The following UBAC2 variants were observed in gnomAD, a reference collection of about 807,000 sequenced individuals.
The protein encoded by UBAC2 is UBA domain containing 2, also known as ubiquitin-associated domain-containing protein 2.
A neutral mutation model predicts 44.0 loss-of-function variants in UBAC2; 26 were observed. The observed-to-expected ratio is 0.59, with a 90% CI of 0.43 to 0.82. UBAC2 has a LOEUF of 0.82. Ranked by LOEUF, UBAC2 falls within the 40% of genes least tolerant of loss-of-function variation. The pLI, the probability that UBAC2 is intolerant of heterozygous loss-of-function variation, is 0.00. For synonymous variants in UBAC2, 155 were observed against 154.3 expected, an observed-to-expected ratio of 1.00 and a Z score of -0.04; for missense variants, 329 against 419.4, an observed-to-expected ratio of 0.78 and a Z score of 1.88.
chr13:99,258,650 T>C (rs778085265), intron 4 of UBAC2: 1 of 152,252 alleles, frequency 6.6e-6, no homozygotes, highest in Non-Finnish European at 1.5e-5. Flanking sequence ...CTTTGCTTTA[T>C]AAGCTATGTG....
chr13:99,351,869 C>G (rs1216870590), intron 7 of UBAC2: 1 of 418,176 alleles, frequency 2.4e-6, no homozygotes, highest in Non-Finnish European at 4.8e-6. Context: ...ATTATCACCT[C>G]TGTGTTTTGC....
chr13:99,219,189 C>T (rs940865341), intron 1 of UBAC2, among the ~76,000 whole-genome samples: 9 of 152,116 alleles, frequency 5.9e-5, no homozygotes, highest in Non-Finnish European at 1.0e-4. Flanking sequence ...TTTTTACATG[C>T]GTGACTTGTG....
intron 7 of UBAC2, among the ~76,000 whole-genome samples, chr13:99,357,691 AG>A (rs2045207158): frequency 6.6e-6 from 1 of 152,182 alleles, no homozygotes; most frequent in African/African-American, 2.4e-5. Flanking sequence ...GTATTAGAAG[AG>A]GATGCTATGT....
chr13:99,305,040 G>T (rs956210112), intron 4 of UBAC2, among the ~76,000 whole-genome samples: 1 of 152,154 alleles, frequency 6.6e-6, no homozygotes, highest in African/African-American at 2.4e-5. Flanking sequence ...ATATTTTAAA[G>T]TAAGTAAAGG....
At chr13:99,215,610 GT>G in intron 1 of UBAC2, 1 of 1,318,358 alleles carries the variant, frequency 7.6e-7, no homozygotes, top group Non-Finnish European at 1.1e-6. Context: ...CACAGCGGCA[GT>G]TGCACCCACA....
At chr13:99,228,828 G>A (rs1350254361) in intron 1 of UBAC2, among the ~76,000 whole-genome samples, 1 of 152,196 alleles carries the variant, frequency 6.6e-6, no homozygotes, top group Admixed American at 6.5e-5. Context: ...AAGAAAGTAT[G>A]CAACCACTTT....
chr13:99,269,813 C>T (rs1472721059), intron 4 of UBAC2, among the ~76,000 whole-genome samples: 1 of 152,214 alleles, frequency 6.6e-6, no homozygotes, highest in African/African-American at 2.4e-5. Context: ...CCTGCAGTAA[C>T]ACTGCACTAG....
intron 2 of UBAC2, among the ~76,000 whole-genome samples, chr13:99,238,845 C>A (rs1487121605): frequency 6.6e-6 from 1 of 152,094 alleles, no homozygotes; most frequent in African/African-American, 2.4e-5. Flanking sequence ...AATGTTTAAT[C>A]TTTTTTTAAT....
intron 1 of UBAC2, among the ~76,000 whole-genome samples, chr13:99,237,702 C>T (rs1468536876): frequency 1.3e-5 from 2 of 152,240 alleles, no homozygotes; most frequent in African/African-American, 4.8e-5. Context: ...TGCCTGTAAT[C>T]CCAGCACTTT....
chr13:99,288,958 A>G (rs1408821006), intron 4 of UBAC2, among the ~76,000 whole-genome samples: 13 of 152,214 alleles, frequency 8.5e-5, no homozygotes, highest in African/African-American at 1.2e-4. Context: ...CTCTTCCCCA[A>G]TGGAGTTTAT....
At chr13:99,233,787 G>C (rs1163798934) in intron 1 of UBAC2, among the ~76,000 whole-genome samples, 1 of 151,946 alleles carries the variant, frequency 6.6e-6, no homozygotes, top group Non-Finnish European at 1.5e-5. Context: ...AGTCTTAATT[G>C]TAAACTTTTT....
chr13:99,224,801 G>C (rs1285327919), intron 1 of UBAC2, among the ~76,000 whole-genome samples: 1 of 152,156 alleles, frequency 6.6e-6, no homozygotes, highest in African/African-American at 2.4e-5. Flanking sequence ...AATGTGCATT[G>C]TTATTCCCTA....
intron 6 of UBAC2, among the ~76,000 whole-genome samples, chr13:99,323,506 G>T (rs576795034): frequency 2.9e-4 from 44 of 152,338 alleles, no homozygotes; most frequent in Non-Finnish European, 4.9e-4. Flanking sequence ...TGGGACTTGT[G>T]AAAGGACCAC....
intron 4 of UBAC2, among the ~76,000 whole-genome samples, chr13:99,266,693 A>ATATATG (rs1394261973): frequency 1.3e-5 from 2 of 152,178 alleles, no homozygotes; most frequent in Non-Finnish European, 2.9e-5. Flanking sequence ...AAATATATAT[A>ATATATG]TATATGTATT....
intron 4 of UBAC2, chr13:99,294,992 T>C (rs1021085813): frequency 1.3e-5 from 20 of 1,503,880 alleles, no homozygotes; most frequent in Non-Finnish European, 1.7e-5. Context: ...ATTATTTTGC[T>C]TTATAAGGGA....
intron 8 of UBAC2, among the ~76,000 whole-genome samples, chr13:99,382,157 G>C (rs1477197971): frequency 2.0e-5 from 3 of 152,216 alleles, no homozygotes; most frequent in Admixed American, 6.5e-5. Context: ...CAAAGTTGTA[G>C]AGGTTTACTA....
intron 1 of UBAC2, among the ~76,000 whole-genome samples, chr13:99,216,890 G>A (rs2043002393): frequency 1.3e-5 from 2 of 150,728 alleles, no homozygotes; most frequent in Non-Finnish European, 2.9e-5. Flanking sequence ...GAGTGCAGTG[G>A]TGCGATCTTG....
intron 1 of UBAC2, among the ~76,000 whole-genome samples, chr13:99,226,842 A>C (rs1220921536): frequency 2.6e-5 from 4 of 152,110 alleles, no homozygotes; most frequent in African/African-American, 9.7e-5. Flanking sequence ...CAAGGCCTAC[A>C]TCTTCAGGTC....
intron 4 of UBAC2, chr13:99,255,975 A>C: frequency 1.9e-6 from 2 of 1,059,534 alleles, no homozygotes; most frequent in South Asian, 3.5e-5. Context: ...ACATTCTCCC[A>C]CTCAGCTTGA....
Sources: gnomAD v4.1 joint callset for allele counts (sites outside exome capture counted in the v4.1 genomes callset) on GRCh38, gnomAD v4.1.1 for gene constraint, MANE v1.5 for transcripts, NCBI Gene and HGNC (gene_info 2026-07-23, HGNC 2026-07-21) for gene names.